AGPAT3: variants seen among roughly 807,000 people sequenced by gnomAD.
AGPAT3 encodes 1-acyl-sn-glycerol-3-phosphate acyltransferase gamma.
AGPAT3 carries 5 observed loss-of-function variants against 47.3 expected under a neutral mutation model. The observed-to-expected ratio is 0.11, with a 90% CI of 0.06 to 0.22. AGPAT3 has a LOEUF of 0.22. AGPAT3 is among the 10% of genes least tolerant of loss of function. The pLI is 1.00. For missense variants in AGPAT3, 315 were observed against 493.0 expected, an observed-to-expected ratio of 0.64 and a Z score of 3.42; for synonymous variants, 212 against 208.3, an observed-to-expected ratio of 1.02 and a Z score of -0.15.
At chr21:43,875,065 C>T (rs2085704585) in intron 1 of AGPAT3, among the ~76,000 whole-genome samples, 1 of 152,144 alleles carries the variant, frequency 6.6e-6, no homozygotes, top group South Asian at 2.1e-4. Context: ...ACTGTAACCT[C>T]CGCCTCCCAG....
At chr21:43,894,768 T>C (rs1160710435) in intron 1 of AGPAT3, among the ~76,000 whole-genome samples, 1 of 152,232 alleles carries the variant, frequency 6.6e-6, no homozygotes, top group Non-Finnish European at 1.5e-5. Context: ...TCCGTTATTG[T>C]TCTTAGGAAT....
Position 43,880,325 on chromosome 21 carries a change from G to C in AGPAT3, c.-112+14980G>C, listed in dbSNP as rs1453505209. 6.6e-6 allele frequency among the ~76,000 whole-genome samples: 1 copy of C among 152,208 alleles called. No individual in the cohort carries two copies. Among genetic ancestry groups the C allele is most frequent in the Non-Finnish European group, 1.5e-5 (1 of 68,042 alleles). Reference sequence around the variant, plus strand: ...GGCAGGGGCAGCCACTGTTCCTGTGGAACACACTGGAGAGGCATCTGCAGG... The same window carrying C: ...GGCAGGGGCAGCCACTGTTCCTGTGCAACACACTGGAGAGGCATCTGCAGG... On this transcript the variant is annotated intron_variant, in intron 1 of 9. Transcript: ENST00000291572. This position sits in a 1 kb window ranked among gnomAD's most constrained non-coding sequence, Gnocchi z 4.5.
chr21:43,915,802 A>T lies in AGPAT3; in HGVS notation c.-49+11783A>T, dbSNP rs192590102. Among the ~76,000 whole-genome samples the T allele has an allele frequency of 1.6e-3, 242 of 152,016 alleles. 2 individuals are homozygous for T. The East Asian group carries it at 0.017, about 11-fold the overall frequency. On this transcript the variant is annotated intron_variant, in intron 2 of 9. Transcript: ENST00000291572. ...AATTTAGCTATTAAGATTAAAAAAA[A>T]TTTTTTTCCTTTTATATTTATTAAT...
At position 43,932,648 on chromosome 21, in the gene AGPAT3, G is replaced by A. The variant is rs2087291960; in HGVS notation, c.-48-26986G>A. Among the ~76,000 whole-genome samples, 1 of 149,098 alleles carries A rather than the reference G, an allele frequency of 6.7e-6. No homozygotes were observed. The highest frequency in any genetic ancestry group is 1.5e-5 in the Non-Finnish European group (1 of 67,996). On this transcript the variant is annotated intron_variant, in intron 2 of 9. Coordinates refer to ENST00000291572, the MANE Select transcript of AGPAT3 (RefSeq NM_020132.5). The surrounding 1 kb of genome is among the most constrained non-coding windows in gnomAD (Gnocchi z 5.2). ...CAGAAGTGGGATTGCCGGACCTTAT[G>A]GTAGTTCCTTTTGTTTTCTTGAGAC...
At position 43,939,376 on chromosome 21, in the gene AGPAT3, C is replaced by A. The variant is rs1379675875; in HGVS notation, c.-48-20258C>A. Among the ~76,000 whole-genome samples, 2 of 152,182 alleles carry A rather than the reference C, an allele frequency of 1.3e-5. No individual in the cohort carries two copies. Among genetic ancestry groups the A allele is most frequent in the Non-Finnish European group, 2.9e-5 (2 of 68,030 alleles). On this transcript the variant is annotated intron_variant, in intron 2 of 9. Coordinates refer to ENST00000291572, the MANE Select transcript of AGPAT3 (RefSeq NM_020132.5). This position sits in a 1 kb window ranked among gnomAD's most constrained non-coding sequence, Gnocchi z 4.4. ...AGGTTTCCCAGGGCGATGCTCTGGT[C>A]CCTGGGTCCTTTGATCTCATCTCCC...
intron 1 of AGPAT3, among the ~76,000 whole-genome samples, chr21:43,897,431 C>T (rs1430559435): frequency 3.3e-5 from 5 of 152,068 alleles, no homozygotes; most frequent in Non-Finnish European, 7.4e-5. Flanking sequence ...TCGACAAAAC[C>T]GCCGTCATCA....
At chr21:43,881,470 A>G (rs964762978) in intron 1 of AGPAT3, among the ~76,000 whole-genome samples, 3 of 152,234 alleles carry the variant, frequency 2.0e-5, no homozygotes, top group East Asian at 1.9e-4. Context: ...GGCATGAGCC[A>G]TGCAGCCCAC....
chr21:43,888,389 T>G (rs933652100), intron 1 of AGPAT3, among the ~76,000 whole-genome samples: 2 of 69,424 alleles, frequency 2.9e-5, no homozygotes, highest in African/African-American at 1.5e-4. Flanking sequence ...TGGAATTGTT[T>G]TTGTGTAGGA....
chr21:43,927,370 T>C (rs2087091715), intron 2 of AGPAT3, among the ~76,000 whole-genome samples: 1 of 152,190 alleles, frequency 6.6e-6, no homozygotes, highest in South Asian at 2.1e-4. Context: ...AAATGTTCTA[T>C]TGCAGCTGAA....
At position 43,954,762 on chromosome 21, in the gene AGPAT3, T is replaced by C. The variant is rs2088362029; in HGVS notation, c.-48-4872T>C. On this transcript the variant is annotated intron_variant, in intron 2 of 9. Coordinates refer to ENST00000291572, the MANE Select transcript of AGPAT3 (RefSeq NM_020132.5). The surrounding 1 kb of genome is among the most constrained non-coding windows in gnomAD (Gnocchi z 4.0). ...CACTGGCCGGCTCCATTCACCCTTT[T>C]TGGGGCTTACTGCCGCAGAGACTTC... is the stretch of plus-strand genomic sequence containing the variant. 1 of 154,418 alleles carries C rather than the reference T, an allele frequency of 6.5e-6. No individual in the cohort carries two copies. Among genetic ancestry groups the C allele is most frequent in the Non-Finnish European group, 1.4e-5 (1 of 69,334 alleles). 9.6% of individuals were successfully genotyped at this position (154,418 alleles called of 1,614,324 possible).
At position 43,971,576 on chromosome 21, in the gene AGPAT3, C is replaced by T. The variant is rs1467989189; in HGVS notation, c.767+86C>T. The stretch of plus-strand genomic sequence containing the variant: ...CAGAGGCCAGGAGGGTGGCTGGGTC[C>T]AGGCCCCACGTCCCACAGCCCCGCA... On this transcript the variant is annotated intron_variant, in intron 7 of 9. Coordinates refer to ENST00000291572, the MANE Select transcript of AGPAT3 (RefSeq NM_020132.5). The T allele has an allele frequency of 3.1e-6, 4 of 1,296,136 alleles. No individual in the cohort carries two copies. In the Admixed American group the frequency reaches 5.3e-5, roughly 17 times the overall value. 80.3% of individuals were successfully genotyped at this position (1,296,136 alleles called of 1,614,324 possible). A position where few individuals can be genotyped will look rare whatever the true frequency, so the allele number is the denominator to read the frequency against.
At chr21:43,937,420 A>G (rs4819350) in intron 2 of AGPAT3, among the ~76,000 whole-genome samples, 114,422 of 152,132 alleles carry the variant, frequency 0.75, 43,172 homozygotes, top group Admixed American at 0.83. Context: ...GCCCCTGACT[A>G]TATCTGTTCC....
intron 1 of AGPAT3, among the ~76,000 whole-genome samples, chr21:43,897,245 C>T (rs1045059702): frequency 6.6e-6 from 1 of 151,948 alleles, no homozygotes; most frequent in African/African-American, 2.4e-5. Context: ...GTGGACACAG[C>T]ACATGTTTCA....
Position 43,908,837 on chromosome 21 carries a change from G to T in AGPAT3, c.-49+4818G>T, listed in dbSNP as rs2086563586. On this transcript the variant is annotated intron_variant, in intron 2 of 9. Transcript: ENST00000291572. This position sits in a 1 kb window ranked among gnomAD's most constrained non-coding sequence, Gnocchi z 4.9. ...TCATTTCCTTCCATCCCTGTGGAGCGAACCCTGTTGTTTGCATTTTTTGGA... is the reference window on the plus strand; with the variant it reads ...TCATTTCCTTCCATCCCTGTGGAGCTAACCCTGTTGTTTGCATTTTTTGGA... Among the ~76,000 whole-genome samples the T allele has an allele frequency of 6.6e-6, 1 of 152,164 alleles. No individual in the cohort carries two copies. The highest frequency in any genetic ancestry group is 1.5e-5 in the Non-Finnish European group (1 of 68,016).
At position 43,932,057 on chromosome 21, in the gene AGPAT3, A is replaced by G. The variant is rs2087266673; in HGVS notation, c.-48-27577A>G. ...ACCATGTGATCTATGTGTACATTGTAGAAAGATTAATTAAGCTAATTAACA... is the reference window on the plus strand; with the variant it reads ...ACCATGTGATCTATGTGTACATTGTGGAAAGATTAATTAAGCTAATTAACA... On this transcript the variant is annotated intron_variant, in intron 2 of 9. Transcript: ENST00000291572. This position sits in a 1 kb window ranked among gnomAD's most constrained non-coding sequence, Gnocchi z 5.2. Among the ~76,000 whole-genome samples, 1 of 152,198 alleles carries G rather than the reference A, an allele frequency of 6.6e-6. No individual in the cohort carries two copies. Among genetic ancestry groups the G allele is most frequent in the Non-Finnish European group, 1.5e-5 (1 of 68,042 alleles).
intron 2 of AGPAT3, among the ~76,000 whole-genome samples, chr21:43,957,856 G>A (rs746704912): frequency 2.0e-5 from 3 of 151,850 alleles, no homozygotes; most frequent in South Asian, 2.1e-4. Context: ...TTGTAGGGCC[G>A]CTCAGTAGGA....
intron 1 of AGPAT3, among the ~76,000 whole-genome samples, chr21:43,899,796 T>C (rs1439172569): frequency 1.3e-5 from 2 of 152,122 alleles, no homozygotes; most frequent in East Asian, 3.9e-4. Flanking sequence ...TGAGAGGAGC[T>C]TGGGAGAACC....
intron 1 of AGPAT3, among the ~76,000 whole-genome samples, chr21:43,898,613 G>A (rs1055225666): frequency 3.3e-5 from 5 of 152,052 alleles, no homozygotes; most frequent in African/African-American, 1.2e-4. Flanking sequence ...TGCAGCCTCC[G>A]CCTCCTAGGT....
Position 43,984,865 on chromosome 21 carries a change from A to T in AGPAT3, c.*2473A>T. ...TGATGTTATGTCCAAATTCAGGCTG[A>T]GTGCTCAGGCTGAAGCAACTCTGTA... On this transcript the variant is annotated 3_prime_UTR_variant, in exon 10 of 10. Coordinates refer to ENST00000291572, the MANE Select transcript of AGPAT3 (RefSeq NM_020132.5). 1 of 313,180 alleles carries T rather than the reference A, an allele frequency of 3.2e-6. No individual in the cohort carries two copies. The highest frequency in any genetic ancestry group is 6.4e-6 in the Non-Finnish European group (1 of 157,452). 19.4% of individuals were successfully genotyped at this position (313,180 alleles called of 1,614,324 possible). A position where few individuals can be genotyped will look rare whatever the true frequency, so the allele number is the denominator to read the frequency against.
Sources: allele counts gnomAD v4.1 joint callset (sites outside exome capture counted in the v4.1 genomes callset), GRCh38; gene constraint gnomAD v4.1.1; non-coding constraint Gnocchi (gnomAD v3.1); transcripts MANE v1.5; gene names NCBI Gene and HGNC (gene_info 2026-07-23, HGNC 2026-07-21).